HEATR5B: variants seen among roughly 807,000 people sequenced by gnomAD.
HEATR5B encodes HEAT repeat-containing protein 5B.
A neutral mutation model predicts 224.1 loss-of-function variants in HEATR5B; 156 were observed. The ratio of observed to expected loss-of-function variants is 0.70; its 90% CI spans 0.61 to 0.80. The LOEUF (loss-of-function observed/expected upper bound fraction) is 0.80. HEATR5B is among the 30% of genes least tolerant of loss of function. The probability of loss-of-function intolerance (pLI) is 0.00; values close to 1 mark genes in which losing one functional copy is unlikely to be tolerated. For missense variants in HEATR5B, 2,323 were observed against 2,535.5 expected, an observed-to-expected ratio of 0.92 and a Z score of 1.80; for synonymous variants, 1,027 against 893.0, an observed-to-expected ratio of 1.15 and a Z score of -2.68.
Position 37,056,566 on chromosome 2 carries a change from G to A in HEATR5B, c.2273C>T (p.Ser758Phe). ...SGSGALEHDP[S>F]SIYLRIPAGE... ...AGCAGGTATGCGTAAATAAATAGAG[G>A]AAGGATCATGCTCCAGAGCCCCACT... Residue 758 changes from serine (S) to phenylalanine (F), a missense_variant, in exon 16 of 36, where the codon TCC becomes TTC. Physicochemically the swap from Ser to Phe is radical, Grantham distance 155. Around this residue, in one of 12 missense-constraint regions of HEATR5B, gnomAD observed 170 missense variants for 216.7 expected, o/e 0.78. Coordinates refer to ENST00000233099, the MANE Select transcript of HEATR5B (RefSeq NM_019024.3). 1 of 1,612,990 alleles carries A rather than the reference G, an allele frequency of 6.2e-7. No individual in the cohort carries two copies. The highest frequency in any genetic ancestry group is 1.1e-5 in the South Asian group (1 of 90,944).
chr2:37,000,020 AAAAC>A (rs550873072), intron 33 of HEATR5B, among the ~76,000 whole-genome samples: 38 of 152,038 alleles, frequency 2.5e-4, no homozygotes, highest in South Asian at 1.9e-3. Context: ...TCAAAAAAAC[AAAAC>A]AAACAAACAA....
chr2:37,077,066 C>G, intron 3 of HEATR5B, 47 bp from the exon 4 acceptor site: 1 of 1,398,918 alleles, frequency 7.1e-7, no homozygotes, highest in South Asian at 1.2e-5. Context: ...GTTAATGATA[C>G]AATTATACTT....
At chr2:37,037,818 A>T in intron 21 of HEATR5B, 37 bp downstream of exon 21, 2 of 1,401,862 alleles carry the variant, frequency 1.4e-6, no homozygotes, top group Non-Finnish European at 1.9e-6. Flanking sequence ...ATAAAATACA[A>T]CTTAAAAATC....
chr2:37,002,826 A>G (rs1483096840), intron 31 of HEATR5B, among the ~76,000 whole-genome samples: 1 of 152,218 alleles, frequency 6.6e-6, no homozygotes, highest in Non-Finnish European at 1.5e-5. Context: ...TGTAATAGGA[A>G]TAACACATGT....
Position 37,005,879 on chromosome 2 carries a change from C to T in HEATR5B, c.4778-120G>A, listed in dbSNP as rs531353076. On this transcript the variant is annotated intron_variant, in intron 29 of 35. Transcript: ENST00000233099. ...TACCTTAACATGTATTTATTAATAC[C>T]TTAAAGTAGACTTCAAAATGGTTTC... The T allele has an allele frequency of 2.1e-4, 145 of 705,788 alleles. No individual in the cohort carries two copies. The South Asian group carries it at 3.5e-3, about 17-fold the overall frequency. 43.7% of individuals were successfully genotyped at this position (705,788 alleles called of 1,614,324 possible). A position where few individuals can be genotyped will look rare whatever the true frequency, so the allele number is the denominator to read the frequency against.
At chr2:36,991,715 C>T (rs1026936493) in intron 33 of HEATR5B, among the ~76,000 whole-genome samples, 3 of 152,108 alleles carry the variant, frequency 2.0e-5, no homozygotes, top group African/African-American at 7.2e-5. Context: ...ATCATTTCTT[C>T]AATAAAACTG....
intron 28 of HEATR5B, among the ~76,000 whole-genome samples, chr2:37,007,506 G>A (rs915344458): frequency 6.6e-6 from 1 of 152,014 alleles, no homozygotes; most frequent in African/African-American, 2.4e-5. Flanking sequence ...GCAATGCCCA[G>A]CTAATTTTTT....
At chr2:37,046,590 G>A (rs940955989) in intron 18 of HEATR5B, among the ~76,000 whole-genome samples, 3 of 147,754 alleles carry the variant, frequency 2.0e-5, no homozygotes, top group African/African-American at 7.5e-5. Context: ...AGTGAGCTGA[G>A]ATTGCACCAC....
chr2:37,075,793 C>T lies in HEATR5B; in HGVS notation c.448-159G>A, dbSNP rs1572945906. ...ATAAAATTAAGTATTCTAGAAAGTA[C>T]CTGGCAAGTAAGAATAGTCAATTAA... is the stretch of plus-strand genomic sequence containing the variant. On this transcript the variant is annotated intron_variant, in intron 4 of 35. Coordinates refer to ENST00000233099, the MANE Select transcript of HEATR5B (RefSeq NM_019024.3). The T allele has an allele frequency of 8.6e-6, 4 of 463,224 alleles. No individual in the cohort carries two copies. The East Asian group carries it at 1.4e-4, about 16-fold the overall frequency. The allele number at this position is 463,224 out of a possible 1,614,324, so 28.7% of individuals were successfully genotyped here.
chr2:37,075,006 T>C (rs1324827434), intron 5 of HEATR5B, among the ~76,000 whole-genome samples: 3 of 152,270 alleles, frequency 2.0e-5, no homozygotes, highest in African/African-American at 4.8e-5. Flanking sequence ...AACAGTTTTG[T>C]ACTTTTCTGA....
At position 37,000,799 on chromosome 2, in the gene HEATR5B, G is replaced by A. The variant is rs754916623; in HGVS notation, c.5332C>T (p.Leu1778=). 2.2e-5 allele frequency: 35 copies of A among 1,612,026 alleles called. 1 individual carries two copies. The South Asian group carries it at 3.6e-4, about 17-fold the overall frequency. The part of the protein sequence containing the change: ...LCSPAGCMTI[L]PTILFLIARI... ...GCAATTAAGAACAGAATTGTGGGCA[G>A]GATTGTCATACATCCTGAAAGAAAA... Residue 1778 remains leucine, a synonymous_variant, in exon 33 of 36, where the codon CTG becomes TTG. Coordinates refer to ENST00000233099, the MANE Select transcript of HEATR5B (RefSeq NM_019024.3).
At chr2:37,032,880 TTTTG>T (rs1669222246) in intron 21 of HEATR5B, 107 bp from the exon 22 acceptor site, 17 of 979,818 alleles carry the variant, frequency 1.7e-5, no homozygotes, top group South Asian at 9.8e-5. Flanking sequence ...ATATGTTTTG[TTTTG>T]TTTTTTTTTT....
intron 26 of HEATR5B, among the ~76,000 whole-genome samples, chr2:37,017,593 G>T (rs893440921): frequency 3.3e-5 from 5 of 150,338 alleles, no homozygotes; most frequent in Non-Finnish European, 7.4e-5. Flanking sequence ...GGCTGAGGCA[G>T]GAGAATCGCT....
chr2:37,040,287 G>C (rs781032956), intron 20 of HEATR5B, 42 bp downstream of exon 20: 22 of 1,466,636 alleles, frequency 1.5e-5, no homozygotes, highest in African/African-American at 2.8e-5. Flanking sequence ...TAAAGATACT[G>C]ATTATCTAAC....
chr2:37,008,468 T>C (rs938080738), intron 28 of HEATR5B, 143 bp downstream of exon 28: 1 of 656,288 alleles, frequency 1.5e-6, no homozygotes, highest in African/African-American at 1.8e-5. Flanking sequence ...GAGTACATAT[T>C]CTAACTGAGA....
intron 20 of HEATR5B, 80 bp downstream of exon 20, chr2:37,040,249 G>A: frequency 8.7e-7 from 1 of 1,143,872 alleles, no homozygotes; most frequent in Non-Finnish European, 1.3e-6. Context: ...ATTTCTTCAA[G>A]TAATGTGATG....
intron 33 of HEATR5B, among the ~76,000 whole-genome samples, chr2:36,999,746 C>T (rs1466844792): frequency 1.3e-5 from 2 of 151,470 alleles, no homozygotes; most frequent in Non-Finnish European, 2.9e-5. Context: ...GGTGCGGTAG[C>T]TCACGTCTGT....
chr2:37,026,871 T>C (rs772810221), intron 24 of HEATR5B, among the ~76,000 whole-genome samples: 2 of 152,188 alleles, frequency 1.3e-5, no homozygotes, highest in Non-Finnish European at 2.9e-5. Context: ...TGATCTCAGC[T>C]CACTGCTACC....
At chr2:37,045,393 G>C (rs532951236) in intron 18 of HEATR5B, among the ~76,000 whole-genome samples, 5 of 152,240 alleles carry the variant, frequency 3.3e-5, no homozygotes, top group African/African-American at 9.6e-5. Flanking sequence ...CTAAGAATCA[G>C]TTTGATTTTC....
Sources: allele counts gnomAD v4.1 joint callset (sites outside exome capture counted in the v4.1 genomes callset), GRCh38; gene constraint gnomAD v4.1.1; regional missense constraint gnomAD v4.1.1; transcripts MANE v1.5; gene names NCBI Gene and HGNC (gene_info 2026-07-23, HGNC 2026-07-21).